Variants in RNF17 observed in about 807,000 individuals in gnomAD.
RNF17 encodes the protein spermatogenesis associated 23.
RNF17 carries 31 observed loss-of-function variants against 200.5 expected under a neutral mutation model. That is an observed-to-expected ratio of 0.15 (90% CI 0.12 to 0.21). The LOEUF is 0.21. RNF17 is among the 10% of genes least tolerant of loss of function. The pLI is 1.00. For synonymous variants in RNF17, 606 were observed against 637.8 expected (o/e 0.95, Z 0.75); for missense variants, 1,628 against 1,905.1 (o/e 0.85, Z 2.71).
intron 18 of RNF17, among the ~76,000 whole-genome samples, chr13:24,838,641 C>T (rs181595712): frequency 3.6e-4 from 55 of 152,062 alleles, no homozygotes; most frequent in African/African-American, 1.2e-3. Context: ...CTTAAAACTC[C>T]CAGGAATTTG....
At chr13:24,863,904 A>G (rs554348273) in intron 28 of RNF17, among the ~76,000 whole-genome samples, 2 of 152,282 alleles carry the variant, frequency 1.3e-5, no homozygotes, top group East Asian at 3.9e-4. Flanking sequence ...GCAAAGGGAG[A>G]TGCTGACAGA....
chr13:24,886,357 G>A, the RNF17 span: 2 of 1,289,228 alleles, frequency 1.6e-6, no homozygotes, highest in South Asian at 1.2e-5. Flanking sequence ...CCAACAAGCT[G>A]CTGGGCGTGT....
At position 24,825,627 on chromosome 13, in the gene RNF17, C is replaced by T; in HGVS notation, c.2100C>T (p.Gly700=). 7 of 1,590,382 alleles carry T rather than the reference C, an allele frequency of 4.4e-6. No homozygotes were observed. The highest frequency in any genetic ancestry group is 6.0e-6 in the Non-Finnish European group (7 of 1,159,520). The change falls in exon 16 of 36, where the codon GGC becomes GGT. Residue 700 remains glycine, a synonymous_variant. Transcript: ENST00000255324. ...PGDFYLQLIE[G]LDILFLLKTI... ...ATCCCTTTATTTACTAGATAGAGGG[C>T]CTGGATATTTTATTTCTATTAAAGA...
At chr13:24,859,950 C>T (rs1892932837) in intron 26 of RNF17, among the ~76,000 whole-genome samples, 1 of 151,906 alleles carries the variant, frequency 6.6e-6, no homozygotes, top group Non-Finnish European at 1.5e-5. Context: ...AGTGACCTGC[C>T]AGGGTCACTG....
At chr13:24,759,052 C>G in the RNF17 span, among the ~76,000 whole-genome samples, 1 of 142,478 alleles carries the variant, frequency 7.0e-6, no homozygotes, top group Admixed American at 8.0e-5. Flanking sequence ...TGCACTCCAG[C>G]CTGGCGACAG....
At position 24,877,111 on chromosome 13, in the gene RNF17, T is replaced by C. The variant is rs1894944254; in HGVS notation, c.4698T>C (p.Cys1566=). ...RDLGETRIPY[C]PKWSMEALWA... ...TAGGGGAGACAAGAATACCATATTGTCCCAAATGGAGCATGGAGGCACTGT... is the reference window on the plus strand; with the variant it reads ...TAGGGGAGACAAGAATACCATATTGCCCCAAATGGAGCATGGAGGCACTGT... Residue 1566 remains cysteine (C), a synonymous_variant, in exon 34 of 36, where the codon TGT becomes TGC. Transcript: ENST00000255324. 6.2e-7 allele frequency: 1 copy of C among 1,613,640 alleles called. No homozygotes were observed. Among genetic ancestry groups the C allele is most frequent in the African/African-American group, 1.3e-5 (1 of 75,010 alleles).
At chr13:24,817,574 C>T (rs1044833147) in intron 15 of RNF17, among the ~76,000 whole-genome samples, 5 of 151,938 alleles carry the variant, frequency 3.3e-5, no homozygotes, top group Non-Finnish European at 5.9e-5. Context: ...CAAAAATTAG[C>T]CAGCTGTGGT....
intron 16 of RNF17, 31 bp downstream of exon 16, chr13:24,825,803 G>A (rs759263964): frequency 1.3e-5 from 21 of 1,593,862 alleles, no homozygotes; most frequent in Non-Finnish European, 1.8e-5. Flanking sequence ...TCTACAGGGA[G>A]ATGTCATACT....
At chr13:24,761,332 A>C (rs1878723173), upstream of RNF17, among the ~76,000 whole-genome samples, 1 of 152,238 alleles carries the variant, frequency 6.6e-6, no homozygotes. Context: ...GCTTAACAAC[A>C]ACAAAGAAAC....
Position 24,876,239 on chromosome 13 carries a change from A to G in RNF17, c.4584-758A>G, listed in dbSNP as rs543364540. ...ACTTATGTTGAGAAATAAAGTTTACATTTTTTATTTTCATCTTAATTTCAT... is the reference window on the plus strand; with the variant it reads ...ACTTATGTTGAGAAATAAAGTTTACGTTTTTTATTTTCATCTTAATTTCAT... On this transcript the variant is annotated intron_variant, in intron 33 of 35. Transcript: ENST00000255324. Among the ~76,000 whole-genome samples the G allele has an allele frequency of 1.2e-4, 19 of 152,258 alleles. No homozygotes were observed. The South Asian group carries it at 2.7e-3, about 22-fold the overall frequency.
chr13:24,877,697 G>T (rs923789256), intron 34 of RNF17, among the ~76,000 whole-genome samples: 3 of 152,166 alleles, frequency 2.0e-5, no homozygotes, highest in Admixed American at 2.0e-4. Flanking sequence ...TAAAAGAAGA[G>T]TGGGAAAGAA....
chr13:24,755,239 G>A, the RNF17 span, among the ~76,000 whole-genome samples: 19 of 152,058 alleles, frequency 1.2e-4, no homozygotes, highest in African/African-American at 4.6e-4. Flanking sequence ...ATCATTTCCT[G>A]TGGAAGTATT....
At chr13:24,822,297 A>G (rs1888159435) in intron 15 of RNF17, among the ~76,000 whole-genome samples, 1 of 152,152 alleles carries the variant, frequency 6.6e-6, no homozygotes. Context: ...CTGTGTCTGC[A>G]GCTCAATTTT....
In RNF17 at chr13:24,851,788, T is replaced by C. The variant is rs77542287; in HGVS notation, c.3320+217T>C. Among the ~76,000 whole-genome samples, 463 of 152,344 alleles carry C rather than the reference T, an allele frequency of 3.0e-3. 1 individual carries two copies. Among genetic ancestry groups the C allele is most frequent in the Admixed American group, 7.6e-3 (117 of 15,302 alleles). Reference sequence around the variant, plus strand: ...TTCTTGCACACTTAAGCCTGTTTACTGACATACTTGCTTTTGTAATTTCCC... The same window carrying C: ...TTCTTGCACACTTAAGCCTGTTTACCGACATACTTGCTTTTGTAATTTCCC... On this transcript the variant is annotated intron_variant, in intron 24 of 35. Transcript: ENST00000255324.
chr13:24,783,342 T>A (rs1216513060), intron 6 of RNF17, among the ~76,000 whole-genome samples: 1 of 152,248 alleles, frequency 6.6e-6, no homozygotes, highest in African/African-American at 2.4e-5. Flanking sequence ...CCTACAACTT[T>A]GTTCCTTTTC....
chr13:24,842,170 A>T lies in RNF17; in HGVS notation c.2603+9A>T, dbSNP rs141651046. The T allele has an allele frequency of 3.2e-6, 5 of 1,579,630 alleles. No homozygotes were observed. In the African/African-American group the frequency reaches 6.8e-5, roughly 22 times the overall value. ...GCATCTTATGAAATAGGGTAAGTAG[A>T]TATGTAAACTTTCATTGTTAGTTCA... On this transcript the variant is annotated intron_variant, in intron 19 of 35. Coordinates refer to ENST00000255324, the MANE Select transcript of RNF17 (RefSeq NM_031277.3).
chr13:24,868,765 C>A, intron 31 of RNF17, 49 bp downstream of exon 31: 2 of 1,028,352 alleles, frequency 1.9e-6, no homozygotes, highest in South Asian at 2.6e-5. Context: ...AACAAGCTGT[C>A]TTGGTCTTAA....
chr13:24,800,870 TTATTC>T (rs2137726346), intron 13 of RNF17, among the ~76,000 whole-genome samples: 1 of 152,324 alleles, frequency 6.6e-6, no homozygotes, highest in Non-Finnish European at 1.5e-5. Flanking sequence ...TTGCCCTTTA[TTATTC>T]TATTTAATGG....
Position 24,872,971 on chromosome 13 carries a change from C to G in RNF17, c.4448-1143C>G, listed in dbSNP as rs1031725649. Among the ~76,000 whole-genome samples, 3 of 143,070 alleles carry G rather than the reference C, an allele frequency of 2.1e-5. No homozygotes were observed. The South Asian group carries it at 6.5e-4, about 31-fold the overall frequency. 93.9% of individuals were successfully genotyped at this position (143,070 alleles called of 152,430 possible). ...ATGTGGTAGAAGTTGTTTGGGAGAA[C>G]AGACAACTGAAGAAGCCTGTACATT... is the stretch of plus-strand genomic sequence containing the variant. On this transcript the variant is annotated intron_variant, in intron 32 of 35. Coordinates refer to ENST00000255324, the MANE Select transcript of RNF17 (RefSeq NM_031277.3).
Sources: allele counts gnomAD v4.1 joint callset (sites outside exome capture counted in the v4.1 genomes callset), GRCh38; gene constraint gnomAD v4.1.1; transcripts MANE v1.5; gene names NCBI Gene and HGNC (gene_info 2026-07-23, HGNC 2026-07-21).